METAP1D: variants seen among roughly 807,000 people sequenced by gnomAD.
METAP1D encodes methionyl aminopeptidase type 1D, mitochondrial, also known as methionine aminopeptidase 1D, mitochondrial.
Under a neutral mutation model 40.5 loss-of-function variants are expected in METAP1D, and 31 were observed. The observed-to-expected ratio is 0.77, with a 90% CI of 0.58 to 1.03. The LOEUF (loss-of-function observed/expected upper bound fraction) is 1.03, where lower values mean the gene tolerates loss of function less well. Among genes scored for constraint, METAP1D ranks in the 50% least tolerant of loss-of-function variants. The probability of loss-of-function intolerance (pLI) is 0.00; values close to 1 mark genes in which losing one functional copy is unlikely to be tolerated. For synonymous variants in METAP1D, 151 were observed against 146.4 expected, an observed-to-expected ratio of 1.03 and a Z score of -0.22; for missense variants, 411 against 420.7, an observed-to-expected ratio of 0.98 and a Z score of 0.20.
chr2:172,006,206 C>T (rs1341100371), intron 1 of METAP1D, among the ~76,000 whole-genome samples: 1 of 142,946 alleles, frequency 7.0e-6, no homozygotes, highest in Admixed American at 7.1e-5. Flanking sequence ...TTTTTTGAGA[C>T]GAAGTCTCGC....
At chr2:172,011,966 A>G (rs570254497) in intron 1 of METAP1D, among the ~76,000 whole-genome samples, 8 of 152,338 alleles carry the variant, frequency 5.3e-5, no homozygotes, top group African/African-American at 1.9e-4. Context: ...CCACAAGACA[A>G]CGTTTATTAA....
intron 1 of METAP1D, among the ~76,000 whole-genome samples, chr2:172,030,052 G>A (rs573988433): frequency 1.5e-4 from 23 of 150,402 alleles, no homozygotes; most frequent in Middle Eastern, 3.4e-3. Context: ...CGCTGCACCC[G>A]GCCTTTAAGC....
intron 1 of METAP1D, among the ~76,000 whole-genome samples, chr2:172,054,399 A>G (rs1689955767): frequency 1.3e-5 from 2 of 152,072 alleles, no homozygotes; most frequent in South Asian, 4.2e-4. Flanking sequence ...GGTGCCTGTA[A>G]TCCCAGCTAC....
chr2:172,008,478 T>A (rs1688639657), intron 1 of METAP1D, among the ~76,000 whole-genome samples: 1 of 152,202 alleles, frequency 6.6e-6, no homozygotes, highest in Non-Finnish European at 1.5e-5. Flanking sequence ...CCCCCGCTTA[T>A]CCAATGGGGG....
chr2:172,045,739 ATG>A (rs1389551768), intron 1 of METAP1D, among the ~76,000 whole-genome samples: 20,974 of 80,486 alleles, frequency 0.26, 3,084 homozygotes, highest in Non-Finnish European at 0.34. Flanking sequence ...GTGTATATAT[ATG>A]TGTATATATG....
intron 1 of METAP1D, among the ~76,000 whole-genome samples, chr2:172,028,594 G>A (rs1480679199): frequency 8.1e-6 from 1 of 123,276 alleles, no homozygotes; most frequent in Non-Finnish European, 1.7e-5. Flanking sequence ...GTGTGTGTGT[G>A]TTTTCTTAGT....
rs34383352 is a variant in METAP1D, at chr2:172,057,935, C to CTT, written c.41-3549_41-3548dup. 7.1e-4 allele frequency among the ~76,000 whole-genome samples: 103 copies of CTT among 144,640 alleles called. 1 individual carries two copies. The East Asian group carries it at 9.3e-3, about 13-fold the overall frequency. 94.9% of individuals were successfully genotyped at this position (144,640 alleles called of 152,430 possible). On this transcript the variant is annotated intron_variant, in intron 1 of 9. Transcript: ENST00000315796. The stretch of plus-strand genomic sequence containing the variant: ...TTTCCCATTTTATTTTTTGTGCAGA[C>CTT]TTTTTTTTTTTTTTTGAGACAGGAT...
At chr2:172,051,826 C>T (rs1422911301) in intron 1 of METAP1D, among the ~76,000 whole-genome samples, 1 of 152,098 alleles carries the variant, frequency 6.6e-6, no homozygotes, top group Non-Finnish European at 1.5e-5. Flanking sequence ...GTGACCCAGT[C>T]CTACCTTAAT....
chr2:172,061,459 T>C, intron 1 of METAP1D, 39 bp from the exon 2 acceptor site: 7 of 1,572,700 alleles, frequency 4.5e-6, no homozygotes, highest in Non-Finnish European at 6.1e-6. Context: ...CTGTGTTAGG[T>C]TGTTTTTTTA....
chr2:172,072,614 C>T (rs1021651424), intron 6 of METAP1D, among the ~76,000 whole-genome samples: 8 of 152,106 alleles, frequency 5.3e-5, no homozygotes, highest in Non-Finnish European at 1.2e-4. Flanking sequence ...CTCCCTGTCT[C>T]GCTATTCCTC....
chr2:172,020,675 T>C (rs1179308010), intron 1 of METAP1D, among the ~76,000 whole-genome samples: 3 of 152,134 alleles, frequency 2.0e-5, no homozygotes, highest in Admixed American at 2.0e-4. Context: ...AATAAGCAAA[T>C]AAAATAAGTA....
intron 1 of METAP1D, among the ~76,000 whole-genome samples, chr2:172,025,849 A>G (rs968053938): frequency 6.6e-6 from 1 of 152,120 alleles, no homozygotes; most frequent in Admixed American, 6.6e-5. Flanking sequence ...TCACTTTGAC[A>G]TTCACCCTTT....
chr2:172,046,739 ATTTG>A (rs971862389), intron 1 of METAP1D, among the ~76,000 whole-genome samples: 4 of 152,230 alleles, frequency 2.6e-5, no homozygotes, highest in Admixed American at 2.0e-4. Context: ...AATTAGAAAA[ATTTG>A]TTTGACATTT....
intron 1 of METAP1D, among the ~76,000 whole-genome samples, chr2:172,031,360 A>G (rs1689238347): frequency 6.6e-6 from 1 of 151,826 alleles, no homozygotes; most frequent in Non-Finnish European, 1.5e-5. Flanking sequence ...GTGGGAGAGA[A>G]GGGAGACACT....
At chr2:172,016,640 G>C (rs746623253) in intron 1 of METAP1D, among the ~76,000 whole-genome samples, 11 of 151,396 alleles carry the variant, frequency 7.3e-5, no homozygotes, top group Non-Finnish European at 1.5e-4. Flanking sequence ...AAAAAAGAAA[G>C]AAAGAAAGAA....
rs1218961814 is a variant in METAP1D, at chr2:172,063,824, C to T, written c.312C>T (p.Ala104=). Residue 104 remains alanine (A), a synonymous_variant, in exon 3 of 10, where the codon GCC becomes GCT. Coordinates refer to ENST00000315796, the MANE Select transcript of METAP1D (RefSeq NM_199227.3). ...IQGLHQACQL[A]RHVLLLAGKS... ...GGCTTCATCAGGCTTGTCAGCTGGCCCGCCACGTCCTCCTCTTGGCTGGGA... is the reference window on the plus strand; with the variant it reads ...GGCTTCATCAGGCTTGTCAGCTGGCTCGCCACGTCCTCCTCTTGGCTGGGA... 6.2e-7 allele frequency: 1 copy of T among 1,613,626 alleles called. No homozygotes were observed. The highest frequency in any genetic ancestry group is 2.2e-5 in the East Asian group (1 of 44,832).
chr2:172,080,345 A>G lies in METAP1D; in HGVS notation c.947A>G (p.His316Arg), dbSNP rs1284128064. Residue 316 changes from histidine (H) to arginine (R), a missense_variant, in exon 10 of 10, where the codon CAC becomes CGC. Physicochemically the swap from His to Arg is conservative, Grantham distance 29. Coordinates refer to ENST00000315796, the MANE Select transcript of METAP1D (RefSeq NM_199227.3). ...LDNQRSAQFE[H>R]TVLITSRGAQ... ...TGTTACAGGTCGGCGCAGTTCGAGC[A>G]CACGGTTCTGATCACGTCGAGGGGC... The G allele has an allele frequency of 6.2e-7, 1 of 1,613,970 alleles. No individual in the cohort carries two copies. Among genetic ancestry groups the G allele is most frequent in the Non-Finnish European group, 8.5e-7 (1 of 1,179,932 alleles).
intron 1 of METAP1D, among the ~76,000 whole-genome samples, chr2:172,010,854 A>C (rs113444510): frequency 7.8e-4 from 118 of 150,840 alleles, no homozygotes; most frequent in Non-Finnish European, 1.3e-3. Context: ...TCCCAGGTTC[A>C]AGCGATTGTC....
chr2:172,012,221 A>G (rs968626930), intron 1 of METAP1D, among the ~76,000 whole-genome samples: 6 of 151,462 alleles, frequency 4.0e-5, no homozygotes, highest in South Asian at 2.1e-4. Context: ...CTGAATACCA[A>G]CCTCTTTAAG....
Sources: gnomAD v4.1 joint callset for allele counts (sites outside exome capture counted in the v4.1 genomes callset) on GRCh38, gnomAD v4.1.1 for gene constraint, MANE v1.5 for transcripts, NCBI Gene and HGNC (gene_info 2026-07-23, HGNC 2026-07-21) for gene names.